Variants in TRIQK observed in about 807,000 individuals in gnomAD.
TRIQK encodes triple QxxK/R motif containing, also known as triple QxxK/R motif-containing protein.
Under a neutral mutation model 10.8 loss-of-function variants are expected in TRIQK, and 10 were observed. The observed-to-expected ratio is 0.92, with a 90% CI of 0.57 to 1.57. The LOEUF (loss-of-function observed/expected upper bound fraction) is 1.57, where lower values mean the gene tolerates loss of function less well. Ranked by LOEUF, TRIQK falls within the 40% of genes most tolerant of loss-of-function variation. The pLI is 0.00. For missense variants in TRIQK, 107 were observed against 97.7 expected, an observed-to-expected ratio of 1.09 and a Z score of -0.40; for synonymous variants, 33 against 33.7, an observed-to-expected ratio of 0.98 and a Z score of 0.07.
intron 2 of TRIQK, among the ~76,000 whole-genome samples, chr8:92,918,055 G>A (rs1199648830): frequency 6.6e-6 from 1 of 151,878 alleles, no homozygotes; most frequent in African/African-American, 2.4e-5. Context: ...AAATGGCAGC[G>A]TTTCATTTAT....
At chr8:92,950,393 C>A (rs1054548499) in intron 2 of TRIQK, among the ~76,000 whole-genome samples, 3 of 152,126 alleles carry the variant, frequency 2.0e-5, no homozygotes, top group African/African-American at 7.2e-5. Flanking sequence ...AAGGCTTACA[C>A]ACTAGTCCCC....
At chr8:92,975,788 T>C (rs1385959112) in intron 1 of TRIQK, among the ~76,000 whole-genome samples, 1 of 152,002 alleles carries the variant, frequency 6.6e-6, no homozygotes, top group Non-Finnish European at 1.5e-5. Context: ...TTTCTGTCTT[T>C]TCTAATATAG....
At chr8:92,978,584 C>T (rs1262203848) in intron 1 of TRIQK, among the ~76,000 whole-genome samples, 1 of 152,046 alleles carries the variant, frequency 6.6e-6, no homozygotes, top group East Asian at 1.9e-4. Context: ...AGAATAAAGT[C>T]CACTTTAAAC....
intron 2 of TRIQK, among the ~76,000 whole-genome samples, chr8:92,931,291 T>C (rs1810709848): frequency 6.6e-6 from 1 of 152,200 alleles, no homozygotes; most frequent in Non-Finnish European, 1.5e-5. Flanking sequence ...ATATGCATTT[T>C]ACATTGAAAC....
chr8:93,000,127 G>A (rs373687435), intron 1 of TRIQK, among the ~76,000 whole-genome samples: 1 of 152,028 alleles, frequency 6.6e-6, no homozygotes, highest in Non-Finnish European at 1.5e-5. Context: ...ATATGAAACA[G>A]GTAGTTAAAG....
intron 1 of TRIQK, among the ~76,000 whole-genome samples, chr8:92,981,702 C>G (rs1455421715): frequency 6.6e-6 from 1 of 151,788 alleles, no homozygotes; most frequent in African/African-American, 2.4e-5. Context: ...TAACAATTTA[C>G]TGGCTTATTT....
At chr8:92,917,689 T>C (rs773933430) in intron 2 of TRIQK, among the ~76,000 whole-genome samples, 3 of 152,074 alleles carry the variant, frequency 2.0e-5, no homozygotes, top group East Asian at 1.9e-4. Context: ...TTCAGAATAA[T>C]TGGGATATCC....
rs551310187 is a variant in TRIQK, at chr8:92,905,510, A to G, written c.61+11419T>C. Among the ~76,000 whole-genome samples the G allele has an allele frequency of 1.6e-4, 25 of 152,308 alleles. 1 individual carries two copies. The highest frequency in any genetic ancestry group is 9.8e-4 in the Admixed American group (15 of 15,300). On this transcript the variant is annotated intron_variant, in intron 3 of 4. Coordinates refer to ENST00000521988, the MANE Select transcript of TRIQK (RefSeq NM_001171797.2). ...TTGCAATTGCGATGGAGTATATAAA[A>G]GGCTTCTTAGCTACTGGTGTATTTT...
chr8:92,947,284 T>G (rs1811587356), intron 2 of TRIQK, among the ~76,000 whole-genome samples: 1 of 151,652 alleles, frequency 6.6e-6, no homozygotes, highest in Non-Finnish European at 1.5e-5. Flanking sequence ...GGACTTTATC[T>G]TAAAGCCTTC....
At chr8:92,962,856 G>A (rs1426278833) in intron 1 of TRIQK, among the ~76,000 whole-genome samples, 1 of 152,158 alleles carries the variant, frequency 6.6e-6, no homozygotes, top group Non-Finnish European at 1.5e-5. Flanking sequence ...TTTTCTCTCA[G>A]CTGAACTAAA....
At chr8:92,935,112 C>G (rs1810917039) in intron 2 of TRIQK, among the ~76,000 whole-genome samples, 1 of 151,618 alleles carries the variant, frequency 6.6e-6, no homozygotes, top group African/African-American at 2.4e-5. Context: ...ATCTGTAATG[C>G]CTTTCATAAG....
intron 1 of TRIQK, chr8:92,965,691 A>C (rs961617909): frequency 6.6e-6 from 1 of 152,440 alleles, no homozygotes; most frequent in African/African-American, 2.4e-5. Context: ...CAGGGCGGGA[A>C]CCGCGCGTTC....
intron 1 of TRIQK, among the ~76,000 whole-genome samples, chr8:92,961,073 CT>C: frequency 6.6e-6 from 1 of 152,236 alleles, no homozygotes; most frequent in South Asian, 2.1e-4. Flanking sequence ...AATGTTCTTC[CT>C]TCCTTAGCTT....
At chr8:92,923,744 G>C (rs1440106023) in intron 2 of TRIQK, among the ~76,000 whole-genome samples, 1 of 151,720 alleles carries the variant, frequency 6.6e-6, no homozygotes, top group Non-Finnish European at 1.5e-5. Context: ...CTTGTTTTTA[G>C]TATGCTTTCT....
intron 4 of TRIQK, among the ~76,000 whole-genome samples, chr8:92,890,526 C>G (rs1816707879): frequency 6.6e-6 from 1 of 151,600 alleles, no homozygotes; most frequent in African/African-American, 2.4e-5. Flanking sequence ...TAGACCTTAT[C>G]TCATACTAGG....
At chr8:92,896,973 C>T (rs538574024) in intron 3 of TRIQK, among the ~76,000 whole-genome samples, 3 of 151,856 alleles carry the variant, frequency 2.0e-5, no homozygotes, top group Admixed American at 6.6e-5. Flanking sequence ...TGCACCACCA[C>T]GCCTGGCTAA....
chr8:92,970,728 T>C (rs117369406), upstream of TRIQK, among the ~76,000 whole-genome samples: 1 of 152,158 alleles, frequency 6.6e-6, no homozygotes, highest in Non-Finnish European at 1.5e-5. Flanking sequence ...ACTGCAAAAA[T>C]TGTCTCCCAT....
intron 1 of TRIQK, among the ~76,000 whole-genome samples, chr8:92,977,640 A>G (rs1373368363): frequency 6.6e-6 from 1 of 151,918 alleles, no homozygotes; most frequent in East Asian, 1.9e-4. Flanking sequence ...TTCTTACTCT[A>G]TTACTATTGA....
At chr8:92,969,340 A>T (rs891117757), upstream of TRIQK, among the ~76,000 whole-genome samples, 7 of 152,146 alleles carry the variant, frequency 4.6e-5, no homozygotes, top group African/African-American at 1.4e-4. Context: ...GTTGTCTAAT[A>T]TCTTACAGTT....
Sources: gnomAD v4.1 joint callset for allele counts (sites outside exome capture counted in the v4.1 genomes callset) on GRCh38, gnomAD v4.1.1 for gene constraint, MANE v1.5 for transcripts, NCBI Gene and HGNC (gene_info 2026-07-23, HGNC 2026-07-21) for gene names.